Variants in TRABD2B observed in about 807,000 individuals in gnomAD.
TRABD2B encodes the protein TraB domain containing 2B.
A neutral mutation model predicts 40.1 loss-of-function variants in TRABD2B; 14 were observed. That is an observed-to-expected ratio of 0.35 (90% CI 0.23 to 0.55). The LOEUF is 0.55. TRABD2B is among the 20% of genes least tolerant of loss of function. The pLI is 0.90. For missense variants in TRABD2B, 541 were observed against 648.6 expected (o/e 0.83, Z 1.80); for synonymous variants, 263 against 277.0 (o/e 0.95, Z 0.50).
At chr1:47,927,431 C>T (rs557741857) in intron 2 of TRABD2B, among the ~76,000 whole-genome samples, 24 of 152,364 alleles carry the variant, frequency 1.6e-4, no homozygotes, top group South Asian at 4.1e-4. Context: ...CCAAGCACTA[C>T]GGAGCTGGCT....
At chr1:47,858,564 AT>A (rs1643922844) in intron 2 of TRABD2B, among the ~76,000 whole-genome samples, 1 of 152,358 alleles carries the variant, frequency 6.6e-6, no homozygotes, top group East Asian at 1.9e-4. Context: ...TAGCCACACT[AT>A]ATTCTTAATA....
At chr1:47,946,936 T>G (rs1045013419) in intron 2 of TRABD2B, among the ~76,000 whole-genome samples, 3 of 46,380 alleles carry the variant, frequency 6.5e-5, no homozygotes, top group African/African-American at 2.6e-4. Context: ...TAAGACTAGG[T>G]TTTTTTTTTT....
At chr1:47,932,049 T>G (rs966656042) in intron 2 of TRABD2B, among the ~76,000 whole-genome samples, 1 of 151,956 alleles carries the variant, frequency 6.6e-6, no homozygotes, top group Admixed American at 6.6e-5. Flanking sequence ...GTTTGAGAGG[T>G]GAAGGAAGAG....
Position 47,867,429 on chromosome 1 carries a change from G to A in TRABD2B, c.667-65810C>T, listed in dbSNP as rs1327047312. On this transcript the variant is annotated intron_variant, in intron 2 of 6. Coordinates refer to ENST00000606738, the MANE Select transcript of TRABD2B (RefSeq NM_001194986.2). ...GTCTGAGCTTCAGAAGGGGCTGCTA[G>A]GAGGATTAAATACGATAATGTTTGC... is the stretch of plus-strand genomic sequence containing the variant. 2.0e-5 allele frequency among the ~76,000 whole-genome samples: 3 copies of A among 152,294 alleles called. No homozygotes were observed. In the East Asian group the frequency reaches 5.8e-4, roughly 29 times the overall value.
chr1:47,975,771 A>C (rs934177180), intron 2 of TRABD2B, among the ~76,000 whole-genome samples: 1 of 152,164 alleles, frequency 6.6e-6, no homozygotes, highest in Non-Finnish European at 1.5e-5. Context: ...AAGCAATACA[A>C]ACTATAAATG....
chr1:47,877,177 T>A (rs1644237375), intron 2 of TRABD2B, among the ~76,000 whole-genome samples: 3 of 151,058 alleles, frequency 2.0e-5, no homozygotes, highest in Non-Finnish European at 2.9e-5. Context: ...GGACTAGAAG[T>A]CAGCTCTGTG....
In TRABD2B at chr1:47,813,709, C is replaced by T. The variant is rs576524385; in HGVS notation, c.667-12090G>A. Among the ~76,000 whole-genome samples, 4 of 152,316 alleles carry T rather than the reference C, an allele frequency of 2.6e-5. No homozygotes were observed. The South Asian group carries it at 8.3e-4, about 32-fold the overall frequency. ...GGACACATACCCACACCCACACACA[C>T]ACTTTAAGAAATTTCTGTTCCCTAA... On this transcript the variant is annotated intron_variant, in intron 2 of 6. Transcript: ENST00000606738. The surrounding 1 kb of genome is among the most constrained non-coding windows in gnomAD (Gnocchi z 4.3).
intron 2 of TRABD2B, among the ~76,000 whole-genome samples, chr1:47,906,499 T>G (rs1408464830): frequency 6.6e-6 from 1 of 152,212 alleles, no homozygotes; most frequent in Non-Finnish European, 1.5e-5. Flanking sequence ...TGATCCCAGT[T>G]TTGAGGTTGC....
intron 2 of TRABD2B, among the ~76,000 whole-genome samples, chr1:47,802,536 G>A (rs1644836872): frequency 6.6e-6 from 1 of 152,160 alleles, no homozygotes; most frequent in Admixed American, 6.5e-5. Flanking sequence ...CATTATTTGG[G>A]CTATTTAACA....
intron 2 of TRABD2B, among the ~76,000 whole-genome samples, chr1:47,991,121 T>A (rs1646005113): frequency 6.6e-6 from 1 of 151,808 alleles, no homozygotes; most frequent in Non-Finnish European, 1.5e-5. Flanking sequence ...AGAAACAGTG[T>A]GGGGAAGCTG....
chr1:47,864,111 A>T (rs992866302), intron 2 of TRABD2B, among the ~76,000 whole-genome samples: 1 of 152,176 alleles, frequency 6.6e-6, no homozygotes, highest in African/African-American at 2.4e-5. Flanking sequence ...GGGAGGAATT[A>T]ATAGGTGGAG....
At chr1:47,892,938 G>A (rs550048087) in intron 2 of TRABD2B, among the ~76,000 whole-genome samples, 11 of 152,250 alleles carry the variant, frequency 7.2e-5, no homozygotes, top group Admixed American at 4.6e-4. Context: ...AATTTTACGA[G>A]GGCATCCAGA....
At chr1:47,908,730 C>T (rs1224994036) in intron 2 of TRABD2B, among the ~76,000 whole-genome samples, 1 of 152,240 alleles carries the variant, frequency 6.6e-6, no homozygotes, top group Non-Finnish European at 1.5e-5. Context: ...ACACAAGTCC[C>T]ACCAGTGTCC....
In TRABD2B at chr1:47,955,960, T is replaced by C. The variant is rs1047216382; in HGVS notation, c.666+38074A>G. ...TCAGTCTCCTTGCTTGGCACATAGATGAATCTCTGTATCCTGGCCTACCTA... is the reference window on the plus strand; with the variant it reads ...TCAGTCTCCTTGCTTGGCACATAGACGAATCTCTGTATCCTGGCCTACCTA... On this transcript the variant is annotated intron_variant, in intron 2 of 6. Coordinates refer to ENST00000606738, the MANE Select transcript of TRABD2B (RefSeq NM_001194986.2). Among the ~76,000 whole-genome samples, 9 of 152,304 alleles carry C rather than the reference T, an allele frequency of 5.9e-5. No individual in the cohort carries two copies. The South Asian group carries it at 1.7e-3, about 28-fold the overall frequency.
At chr1:47,972,140 A>T (rs551631477) in intron 2 of TRABD2B, among the ~76,000 whole-genome samples, 2 of 152,312 alleles carry the variant, frequency 1.3e-5, no homozygotes, top group Non-Finnish European at 2.9e-5. Flanking sequence ...TTATTATTAC[A>T]ATAAATTAAA....
At chr1:47,993,213 G>T (rs1453050424) in intron 2 of TRABD2B, among the ~76,000 whole-genome samples, 1 of 152,204 alleles carries the variant, frequency 6.6e-6, no homozygotes, top group Non-Finnish European at 1.5e-5. Context: ...TCAAGGCACA[G>T]ATGTGAACTC....
intron 2 of TRABD2B, among the ~76,000 whole-genome samples, chr1:47,956,920 C>G (rs978894613): frequency 6.6e-6 from 1 of 152,238 alleles, no homozygotes; most frequent in African/African-American, 2.4e-5. Flanking sequence ...AAGTGGGTCC[C>G]TGACCCATGA....
intron 2 of TRABD2B, among the ~76,000 whole-genome samples, chr1:47,891,916 C>T (rs1469307528): frequency 6.6e-6 from 1 of 151,862 alleles, no homozygotes; most frequent in Non-Finnish European, 1.5e-5. Flanking sequence ...TGTCAGTGGT[C>T]CAAGATGAGG....
intron 3 of TRABD2B, 42 bp downstream of exon 3, chr1:47,801,431 T>C: frequency 6.6e-7 from 1 of 1,526,420 alleles, no homozygotes; most frequent in Non-Finnish European, 8.8e-7. Context: ...CATAGGGATC[T>C]AATAAATGCC....
Sources: gnomAD v4.1 joint callset for allele counts (sites outside exome capture counted in the v4.1 genomes callset) on GRCh38, gnomAD v4.1.1 for gene constraint, Gnocchi (gnomAD v3.1) non-coding constraint, MANE v1.5 for transcripts, NCBI Gene and HGNC (gene_info 2026-07-23, HGNC 2026-07-21) for gene names.